The following FAM240A variants were observed in gnomAD, a reference collection of about 807,000 sequenced individuals.
FAM240A encodes family with sequence similarity 240 member A, also known as protein FAM240A.
A neutral mutation model predicts 7.3 loss-of-function variants in FAM240A; 8 were observed. The ratio of observed to expected loss-of-function variants is 1.09; its 90% confidence interval spans 0.64 to 1.97. The LOEUF (loss-of-function observed/expected upper bound fraction) is 1.97. Ranked by LOEUF, FAM240A falls within the 30% of genes most tolerant of loss-of-function variation. The pLI is 0.00. For missense variants in FAM240A, 90 were observed against 102.2 expected (o/e 0.88, Z 0.52); for synonymous variants, 32 against 35.9 (o/e 0.89, Z 0.38).
In FAM240A at chr3:46,625,245, A is replaced by C; in HGVS notation, c.*27A>C. The C allele has an allele frequency of 6.7e-7, 1 of 1,497,868 alleles. No individual in the cohort carries two copies. The highest frequency in any genetic ancestry group is 9.0e-7 in the Non-Finnish European group (1 of 1,116,092). The allele number at this position is 1,497,868 out of a possible 1,614,324, so 92.8% of individuals were successfully genotyped here. ...AGCTTCCTGCTTCATTGACACAAGA[A>C]GATGCAAAACACTGAGGTCACTTTG... On this transcript the variant is annotated 3_prime_UTR_variant, in exon 3 of 3. Coordinates refer to ENST00000640551, the MANE Select transcript of FAM240A (RefSeq NM_001195442.2).
chr3:46,612,755 G>A (rs1387299232), intron 1 of FAM240A, 57 bp downstream of exon 1: 2 of 1,389,044 alleles, frequency 1.4e-6, no homozygotes, highest in Non-Finnish European at 2.0e-6. Context: ...GGTTATGGAG[G>A]TTATGGTTTG....
intron 1 of FAM240A, among the ~76,000 whole-genome samples, chr3:46,615,266 TG>T (rs1196240433): frequency 6.6e-6 from 1 of 152,030 alleles, no homozygotes; most frequent in Non-Finnish European, 1.5e-5. Context: ...TGCTTCCCCC[TG>T]GGGGTCGGCA....
chr3:46,621,774 CA>C (rs35560044), intron 2 of FAM240A, among the ~76,000 whole-genome samples: 32,170 of 146,562 alleles, frequency 0.22, 3,583 homozygotes, highest in East Asian at 0.34. Flanking sequence ...CCCGCCTTCT[CA>C]AAAAAAAAAA....
chr3:46,612,878 G>A (rs966762692), intron 1 of FAM240A, among the ~76,000 whole-genome samples, 180 bp downstream of exon 1: 2 of 152,206 alleles, frequency 1.3e-5, no homozygotes, highest in Non-Finnish European at 2.9e-5. Flanking sequence ...TACTTATCAA[G>A]AGCTTTCCAA....
chr3:46,612,784 C>T lies in FAM240A; in HGVS notation c.15+86C>T, dbSNP rs547590305. ...TGGTTTGTCCAAGTTGGTGCTGATT[C>T]ACTGGACGCAGCAGCACGAATTCTC... On this transcript the variant is annotated intron_variant, in intron 1 of 2. Coordinates refer to ENST00000640551, the MANE Select transcript of FAM240A (RefSeq NM_001195442.2). The T allele has an allele frequency of 9.1e-5, 97 of 1,067,806 alleles. 1 individual carries two copies. The South Asian group carries it at 1.3e-3, about 14-fold the overall frequency. The allele number at this position is 1,067,806 out of a possible 1,614,324, so 66.1% of individuals were successfully genotyped here. A position where few individuals can be genotyped will look rare whatever the true frequency, so the allele number is the denominator to read the frequency against.
At chr3:46,624,107 A>G (rs1221151759) in intron 2 of FAM240A, among the ~76,000 whole-genome samples, 1 of 151,994 alleles carries the variant, frequency 6.6e-6, no homozygotes, top group Non-Finnish European at 1.5e-5. Context: ...TTCAGGTGAT[A>G]TTTTATCACT....
At chr3:46,621,691 C>A (rs1196483802) in intron 2 of FAM240A, among the ~76,000 whole-genome samples, 4 of 151,954 alleles carry the variant, frequency 2.6e-5, no homozygotes, top group African/African-American at 9.7e-5. Flanking sequence ...AGGAGGATCA[C>A]TTGAGCCTCG....
Position 46,617,317 on chromosome 3 carries a change from C to T in FAM240A, c.150C>T (p.Ser50=), listed in dbSNP as rs559572312. 148 of 1,526,380 alleles carry T rather than the reference C, an allele frequency of 9.7e-5. 3 individuals carry two copies. Among genetic ancestry groups the T allele is most frequent in the Admixed American group, 5.1e-4 (25 of 48,606 alleles). The allele number at this position is 1,526,380 out of a possible 1,614,324, so 94.6% of individuals were successfully genotyped here. The change falls in exon 2 of 3, where the codon AGC becomes AGT. Residue 50 remains serine, a synonymous_variant. Coordinates refer to ENST00000640551, the MANE Select transcript of FAM240A (RefSeq NM_001195442.2). ...RESEERRLGR[S]ALRKLREEWK... ...CAGAGGAACGTCGTCTGGGAAGAAG[C>T]GCACTGAGAAAGTATGTGGCTTGTT... is the stretch of plus-strand genomic sequence containing the variant.
In FAM240A at chr3:46,615,305, A is replaced by C. The variant is rs1697615434; in HGVS notation, c.16-1878A>C. Among the ~76,000 whole-genome samples the C allele has an allele frequency of 3.3e-5, 5 of 151,936 alleles. No individual in the cohort carries two copies. The South Asian group carries it at 8.3e-4, about 25-fold the overall frequency. ...CAGAAAACTCAAACTCCATCCATCC[A>C]GCACAGCCTGAGCCCACTCCCCATA... On this transcript the variant is annotated intron_variant, in intron 1 of 2. Transcript: ENST00000640551.
intron 1 of FAM240A, among the ~76,000 whole-genome samples, chr3:46,614,875 T>A (rs1473299425): frequency 1.3e-5 from 2 of 152,226 alleles, no homozygotes; most frequent in Admixed American, 1.3e-4. Flanking sequence ...GTCAATGACA[T>A]TTAATTAGCT....
At chr3:46,621,413 T>C (rs1697693791) in intron 2 of FAM240A, among the ~76,000 whole-genome samples, 1 of 152,216 alleles carries the variant, frequency 6.6e-6, no homozygotes, top group Non-Finnish European at 1.5e-5. Flanking sequence ...ATATATCTTT[T>C]TTCCGTTTTC....
intron 1 of FAM240A, 102 bp from the exon 2 acceptor site, chr3:46,617,081 G>C (rs1422820097): frequency 4.0e-6 from 3 of 754,530 alleles, no homozygotes. Context: ...AAGATGGTAG[G>C]TATCTCATTG....
chr3:46,625,002 G>A, intron 2 of FAM240A, 126 bp from the exon 3 acceptor site: 1 of 423,350 alleles, frequency 2.4e-6, no homozygotes, highest in Admixed American at 3.7e-5. Flanking sequence ...CATGTCCTCT[G>A]CATGCCTTTT....
At chr3:46,617,591 C>T (rs1288831235) in intron 2 of FAM240A, among the ~76,000 whole-genome samples, 3 of 152,174 alleles carry the variant, frequency 2.0e-5, no homozygotes, top group Non-Finnish European at 4.4e-5. Context: ...GCCAGATGGG[C>T]ATCTTAGAGG....
intron 2 of FAM240A, among the ~76,000 whole-genome samples, chr3:46,622,838 T>C (rs2107147654): frequency 6.6e-6 from 1 of 152,332 alleles, no homozygotes; most frequent in Middle Eastern, 3.4e-3. Context: ...TTGTTTTAGT[T>C]ATCCTAGGTT....
intron 2 of FAM240A, among the ~76,000 whole-genome samples, chr3:46,618,902 CACACACACACACACACATAT>C (rs1559438881): frequency 6.6e-6 from 1 of 150,706 alleles, no homozygotes; most frequent in Non-Finnish European, 1.5e-5. Flanking sequence ...CACACACACA[CACACACACACACACACATAT>C]GCAGTATCTA....
chr3:46,623,694 C>T (rs1242986263), intron 2 of FAM240A, among the ~76,000 whole-genome samples: 1 of 152,176 alleles, frequency 6.6e-6, no homozygotes, highest in Admixed American at 6.5e-5. Flanking sequence ...AATATAACCA[C>T]ACCAGCCTTC....
At chr3:46,620,465 C>T (rs1379120921) in intron 2 of FAM240A, among the ~76,000 whole-genome samples, 1 of 148,776 alleles carries the variant, frequency 6.7e-6, no homozygotes, top group African/African-American at 2.5e-5. Flanking sequence ...GATTTGATGG[C>T]CGTCCATTAT....
intron 2 of FAM240A, among the ~76,000 whole-genome samples, chr3:46,622,069 C>T (rs1033181653): frequency 1.5e-5 from 2 of 136,554 alleles, no homozygotes; most frequent in African/African-American, 5.4e-5. Context: ...CAGAGATGTT[C>T]TCAATTTTGA....
Sources: gnomAD v4.1 joint callset for allele counts (sites outside exome capture counted in the v4.1 genomes callset) on GRCh38, gnomAD v4.1.1 for gene constraint, MANE v1.5 for transcripts, NCBI Gene and HGNC (gene_info 2026-07-23, HGNC 2026-07-21) for gene names.